Variants in KIRREL3 observed in about 807,000 individuals in gnomAD.
KIRREL3 encodes kirre like nephrin family adhesion molecule 3, also known as kin of IRRE-like protein 3.
A neutral mutation model predicts 89.7 loss-of-function variants in KIRREL3; 36 were observed. The observed-to-expected ratio is 0.40, with a 90% CI of 0.31 to 0.53. The LOEUF is 0.53. KIRREL3 is among the 20% of genes least tolerant of loss of function. The probability of loss-of-function intolerance (pLI) is 0.49; values close to 1 mark genes in which losing one functional copy is unlikely to be tolerated. For synonymous variants in KIRREL3, 445 were observed against 441.4 expected (o/e 1.01, Z -0.10); for missense variants, 864 against 1,056.6 (o/e 0.82, Z 2.53).
In KIRREL3 at chr11:126,525,866, T is replaced by C. The variant is rs187436270; in HGVS notation, c.283+672A>G. On this transcript the variant is annotated intron_variant, in intron 3 of 16. Transcript: ENST00000525144. The surrounding 1 kb of genome is among the most constrained non-coding windows in gnomAD (Gnocchi z 5.4). ...TTGGAAAAGCGTCTGTATGGTCTTATGGGATCACTATTCACAATAGTTAAC... is the reference window on the plus strand; with the variant it reads ...TTGGAAAAGCGTCTGTATGGTCTTACGGGATCACTATTCACAATAGTTAAC... Among the ~76,000 whole-genome samples, 3 of 152,308 alleles carry C rather than the reference T, an allele frequency of 2.0e-5. No homozygotes were observed. The highest frequency in any genetic ancestry group is 2.0e-4 in the Admixed American group (3 of 15,294).
At chr11:126,746,586 G>A (rs1404571253) in intron 1 of KIRREL3, among the ~76,000 whole-genome samples, 1 of 152,070 alleles carries the variant, frequency 6.6e-6, no homozygotes, top group Non-Finnish European at 1.5e-5. Context: ...GACATTGCCA[G>A]CCACCCAGTC....
chr11:126,509,802 C>T (rs918590765), intron 4 of KIRREL3, among the ~76,000 whole-genome samples: 3 of 151,952 alleles, frequency 2.0e-5, no homozygotes, highest in African/African-American at 7.2e-5. Flanking sequence ...TCAAGACCAG[C>T]CTGGCCAGCA....
In KIRREL3 at chr11:126,684,800, G is replaced by A. The variant is rs553781714; in HGVS notation, c.56-121888C>T. Among the ~76,000 whole-genome samples the A allele has an allele frequency of 5.9e-5, 9 of 152,258 alleles. No homozygotes were observed. Among genetic ancestry groups the A allele is most frequent in the East Asian group, 5.8e-4 (3 of 5,184 alleles). On this transcript the variant is annotated intron_variant, in intron 1 of 16. Coordinates refer to ENST00000525144, the MANE Select transcript of KIRREL3 (RefSeq NM_032531.4). The surrounding 1 kb of genome is among the most constrained non-coding windows in gnomAD (Gnocchi z 4.2). ...ACACCTCTAAAGAAAGGAAAGGTGC[G>A]GCAGGTTGCGTGTGCGGGAGGGGAG...
At position 126,977,306 on chromosome 11, in the gene KIRREL3, C is replaced by T. The variant is rs1464474248; in HGVS notation, c.55+23149G>A. Among the ~76,000 whole-genome samples the T allele has an allele frequency of 2.0e-5, 3 of 152,156 alleles. No individual in the cohort carries two copies. The highest frequency in any genetic ancestry group is 2.9e-5 in the Non-Finnish European group (2 of 68,030). ...GTTTCTTCGGATGCTGCCGCCCTTT[C>T]CTTCTTCATCAGGATCATTCGTTTG... On this transcript the variant is annotated intron_variant, in intron 1 of 16. Coordinates refer to ENST00000525144, the MANE Select transcript of KIRREL3 (RefSeq NM_032531.4). The surrounding 1 kb of genome is among the most constrained non-coding windows in gnomAD (Gnocchi z 4.7).
At chr11:126,442,479 G>A (rs1955618282) in intron 10 of KIRREL3, among the ~76,000 whole-genome samples, 1 of 152,186 alleles carries the variant, frequency 6.6e-6, no homozygotes, top group Admixed American at 6.5e-5. Context: ...GGGAAATGGG[G>A]TGAGGGTTAG....
At position 126,562,736 on chromosome 11, in the gene KIRREL3, G is replaced by A; in HGVS notation, c.133+99C>T. On this transcript the variant is annotated intron_variant, in intron 2 of 16. Coordinates refer to ENST00000525144, the MANE Select transcript of KIRREL3 (RefSeq NM_032531.4). The surrounding 1 kb of genome is among the most constrained non-coding windows in gnomAD (Gnocchi z 4.7). The stretch of plus-strand genomic sequence containing the variant: ...TCTTCCCACTGTCCCCTTCTGAGAG[G>A]TCCCAGGTTCTTATTCCTGGTTCCT... 5.1e-6 allele frequency: 5 copies of A among 981,480 alleles called. No homozygotes were observed. The South Asian group carries it at 7.4e-5, about 15-fold the overall frequency. 60.8% of individuals were successfully genotyped at this position (981,480 alleles called of 1,614,324 possible).
At chr11:127,000,978 CTTTT>C, upstream of KIRREL3, 1 of 271,458 alleles carries the variant, frequency 3.7e-6, no homozygotes. This position sits in a 1 kb window ranked among gnomAD's most constrained non-coding sequence, Gnocchi z 7.1. Flanking sequence ...TGTGTTCTTT[CTTTT>C]CCCTAAATAG....
intron 1 of KIRREL3, among the ~76,000 whole-genome samples, chr11:126,851,845 A>G (rs893851283): frequency 1.2e-4 from 19 of 152,262 alleles, no homozygotes; most frequent in African/African-American, 4.1e-4. Context: ...CAAAGTCTAC[A>G]TGGGCAGATG....
At chr11:126,963,404 T>C (rs1949158473) in intron 1 of KIRREL3, among the ~76,000 whole-genome samples, 1 of 151,756 alleles carries the variant, frequency 6.6e-6, no homozygotes, top group Non-Finnish European at 1.5e-5. Context: ...AATAGGCCCA[T>C]TAAAAGAAGA....
intron 1 of KIRREL3, among the ~76,000 whole-genome samples, chr11:126,785,148 C>A (rs902051191): frequency 6.6e-6 from 1 of 152,022 alleles, no homozygotes; most frequent in African/African-American, 2.4e-5. Context: ...GTGGCTGGTG[C>A]GGGCCGGGAG....
At position 126,515,593 on chromosome 11, in the gene KIRREL3, G is replaced by A. The variant is rs1488283952; in HGVS notation, c.433+5722C>T. ...AAGTTAGCCAAGGGAAGAAAGGTAG[G>A]AAGGGCACTCCAGGAAGAAACACAG... On this transcript the variant is annotated intron_variant, in intron 4 of 16. Coordinates refer to ENST00000525144, the MANE Select transcript of KIRREL3 (RefSeq NM_032531.4). This position sits in a 1 kb window ranked among gnomAD's most constrained non-coding sequence, Gnocchi z 4.2. Among the ~76,000 whole-genome samples the A allele has an allele frequency of 1.3e-5, 2 of 152,192 alleles. No homozygotes were observed. The highest frequency in any genetic ancestry group is 1.3e-4 in the Admixed American group (2 of 15,278).
Position 126,601,768 on chromosome 11 carries a change from C to T in KIRREL3, c.56-38856G>A, listed in dbSNP as rs1165200376. The stretch of plus-strand genomic sequence containing the variant: ...CTGGACGCCTATTTGGAGTTTCATC[C>T]CCCTGAATTCCATCCCCTGCCGCGT... On this transcript the variant is annotated intron_variant, in intron 1 of 16. Transcript: ENST00000525144. This position sits in a 1 kb window ranked among gnomAD's most constrained non-coding sequence, Gnocchi z 5.8. Among the ~76,000 whole-genome samples the T allele has an allele frequency of 6.6e-6, 1 of 152,188 alleles. No homozygotes were observed. The highest frequency in any genetic ancestry group is 1.5e-5 in the Non-Finnish European group (1 of 68,036).
At chr11:126,829,261 G>A (rs1486538151) in intron 1 of KIRREL3, among the ~76,000 whole-genome samples, 2 of 152,190 alleles carry the variant, frequency 1.3e-5, no homozygotes, top group African/African-American at 2.4e-5. Context: ...TGTCACGGGT[G>A]CTAATGGCAA....
intron 4 of KIRREL3, among the ~76,000 whole-genome samples, chr11:126,517,087 A>T (rs894701217): frequency 6.6e-6 from 1 of 150,864 alleles, no homozygotes; most frequent in Non-Finnish European, 1.5e-5. Flanking sequence ...AAAACAAACC[A>T]AAAAAGTGTA....
rs1283778532 is a variant in KIRREL3, at chr11:126,788,348, G to C, written c.55+212107C>G. Among the ~76,000 whole-genome samples the C allele has an allele frequency of 6.6e-6, 1 of 152,196 alleles. No individual in the cohort carries two copies. Among genetic ancestry groups the C allele is most frequent in the Non-Finnish European group, 1.5e-5 (1 of 68,044 alleles). On this transcript the variant is annotated intron_variant, in intron 1 of 16. Coordinates refer to ENST00000525144, the MANE Select transcript of KIRREL3 (RefSeq NM_032531.4). The surrounding 1 kb of genome is among the most constrained non-coding windows in gnomAD (Gnocchi z 4.1). ...TTTCCCACTGTGCTACTCAGACAGGGTATGCAAGTTGCATTTGACATTTCT... is the reference window on the plus strand; with the variant it reads ...TTTCCCACTGTGCTACTCAGACAGGCTATGCAAGTTGCATTTGACATTTCT...
At chr11:126,767,734 T>C (rs1467039266) in intron 1 of KIRREL3, among the ~76,000 whole-genome samples, 2 of 152,202 alleles carry the variant, frequency 1.3e-5, no homozygotes, top group East Asian at 1.9e-4. Flanking sequence ...ATGTTCAGCC[T>C]GATGCTAGAG....
intron 2 of KIRREL3, among the ~76,000 whole-genome samples, chr11:126,533,728 C>G (rs1218919148): frequency 1.3e-5 from 2 of 152,200 alleles, no homozygotes; most frequent in Non-Finnish European, 2.9e-5. Context: ...ATCAGACTGA[C>G]CTGGGTTTGA....
At chr11:126,756,440 G>C (rs540090364) in intron 1 of KIRREL3, among the ~76,000 whole-genome samples, 29 of 152,342 alleles carry the variant, frequency 1.9e-4, no homozygotes, top group African/African-American at 7.0e-4. Flanking sequence ...CTTCCAGGAG[G>C]GCTTCAGTAC....
intron 1 of KIRREL3, among the ~76,000 whole-genome samples, chr11:126,833,684 T>A (rs1263358171): frequency 2.0e-5 from 3 of 152,258 alleles, no homozygotes; most frequent in Non-Finnish European, 4.4e-5. Flanking sequence ...GAGTGCTGCA[T>A]GTCTCCAGGT....
Sources: allele counts gnomAD v4.1 joint callset (sites outside exome capture counted in the v4.1 genomes callset), GRCh38; gene constraint gnomAD v4.1.1; non-coding constraint Gnocchi (gnomAD v3.1); transcripts MANE v1.5; gene names NCBI Gene and HGNC (gene_info 2026-07-23, HGNC 2026-07-21).